The following GRIP1 variants were observed in gnomAD, a reference collection of about 807,000 sequenced individuals.
GRIP1 encodes the protein glutamate receptor interacting protein 1.
GRIP1 carries 45 observed loss-of-function variants against 129.9 expected under a neutral mutation model. The observed-to-expected ratio is 0.35, with a 90% CI of 0.27 to 0.44. GRIP1 has a LOEUF of 0.44. GRIP1 is among the 20% of genes least tolerant of loss of function. The pLI, the probability that GRIP1 is intolerant of heterozygous loss-of-function variation, is 1.00. For missense variants in GRIP1, 1,196 were observed against 1,396.8 expected (o/e 0.86, Z 2.29); for synonymous variants, 530 against 520.8 (o/e 1.02, Z -0.24).
At chr12:66,875,065 G>C (rs1167624436) in intron 1 of GRIP1, among the ~76,000 whole-genome samples, 1 of 151,980 alleles carries the variant, frequency 6.6e-6, no homozygotes, top group Non-Finnish European at 1.5e-5. Flanking sequence ...ACCTAGCACA[G>C]TGCCTCATAC....
intron 2 of GRIP1, among the ~76,000 whole-genome samples, chr12:66,588,988 T>TTAAA (rs71069012): frequency 0.24 from 34,817 of 145,548 alleles, 4,309 homozygotes; most frequent in Admixed American, 0.27. Flanking sequence ...AAAAAAAAAA[T>TTAAA]TAAATAAATA....
At chr12:66,859,284 CAAAAAAACAAAAA>C (rs2040066930) in intron 1 of GRIP1, among the ~76,000 whole-genome samples, 1 of 9,046 alleles carries the variant, frequency 1.1e-4, no homozygotes, top group Non-Finnish European at 5.3e-4. Context: ...AACAAAAAAA[CAAAAAAACAAAAA>C]AACAAAAAAA....
At chr12:66,378,961 T>A (rs545917371) in intron 20 of GRIP1, among the ~76,000 whole-genome samples, 11 of 151,608 alleles carry the variant, frequency 7.3e-5, no homozygotes, top group African/African-American at 7.2e-5. Context: ...AATAAAAAAA[T>A]AAATAAATAA....
intron 1 of GRIP1, among the ~76,000 whole-genome samples, chr12:66,598,277 C>T (rs1260164397): frequency 6.6e-6 from 1 of 152,082 alleles, no homozygotes; most frequent in East Asian, 1.9e-4. Flanking sequence ...TCTTTATACG[C>T]AATGACAAAA....
At chr12:66,462,823 A>AAAT in intron 9 of GRIP1, 101 bp downstream of exon 9, 1 of 656,184 alleles carries the variant, frequency 1.5e-6, no homozygotes. Flanking sequence ...AAAAAAAAAA[A>AAAT]GGCAGAATGA....
chr12:66,631,880 T>C (rs1007062838), intron 1 of GRIP1, among the ~76,000 whole-genome samples: 1 of 152,242 alleles, frequency 6.6e-6, no homozygotes, highest in African/African-American at 2.4e-5. Context: ...ATATTTTATA[T>C]GCATTATTTT....
At chr12:66,883,916 A>C (rs1418491597) in intron 1 of GRIP1, among the ~76,000 whole-genome samples, 1 of 152,252 alleles carries the variant, frequency 6.6e-6, no homozygotes, top group African/African-American at 2.4e-5. Context: ...CAAATGAGAT[A>C]ATGCATGCAA....
intron 1 of GRIP1, among the ~76,000 whole-genome samples, chr12:66,745,819 T>C (rs543262209): frequency 1.1e-4 from 17 of 152,208 alleles, no homozygotes; most frequent in Admixed American, 8.5e-4. Flanking sequence ...CCAGAAGCCA[T>C]GACAGGAGAG....
At chr12:66,501,573 A>T (rs1038615186) in intron 7 of GRIP1, among the ~76,000 whole-genome samples, 12 of 152,184 alleles carry the variant, frequency 7.9e-5, no homozygotes, top group African/African-American at 2.4e-4. Context: ...GATCAATAGA[A>T]GTGCTTGCCT....
intron 23 of GRIP1, among the ~76,000 whole-genome samples, chr12:66,368,961 G>A (rs115417503): frequency 0.016 from 2,499 of 152,230 alleles, 75 homozygotes; most frequent in African/African-American, 0.057. Context: ...CCCAAGATGC[G>A]AGCATAAATC....
At chr12:66,921,282 C>G (rs1173577336) in intron 1 of GRIP1, among the ~76,000 whole-genome samples, 2 of 152,214 alleles carry the variant, frequency 1.3e-5, no homozygotes, top group Non-Finnish European at 2.9e-5. Context: ...CATGTGTCAA[C>G]TGCCTAAAGC....
intron 1 of GRIP1, among the ~76,000 whole-genome samples, chr12:67,035,254 C>T (rs2043078154): frequency 6.6e-6 from 1 of 152,130 alleles, no homozygotes; most frequent in Admixed American, 6.6e-5. Flanking sequence ...GCTCGGGCTT[C>T]GCAGAAGCTC....
intron 1 of GRIP1, among the ~76,000 whole-genome samples, chr12:66,914,418 C>T (rs1331051835): frequency 6.6e-6 from 1 of 152,158 alleles, no homozygotes; most frequent in East Asian, 1.9e-4. Context: ...ATTTTACTTG[C>T]ATCATCTTTT....
At chr12:67,026,793 T>C (rs1246550677) in intron 1 of GRIP1, among the ~76,000 whole-genome samples, 1 of 152,198 alleles carries the variant, frequency 6.6e-6, no homozygotes, top group Non-Finnish European at 1.5e-5. Context: ...CCCCTTTCTT[T>C]TGAATAATAT....
At chr12:66,628,521 T>C (rs949380373) in intron 1 of GRIP1, among the ~76,000 whole-genome samples, 4 of 152,220 alleles carry the variant, frequency 2.6e-5, no homozygotes, top group Non-Finnish European at 4.4e-5. Context: ...TAACCCCTCA[T>C]CAGAGTTTAA....
At chr12:66,705,497 T>G (rs973949086) in intron 1 of GRIP1, among the ~76,000 whole-genome samples, 1 of 152,128 alleles carries the variant, frequency 6.6e-6, no homozygotes, top group African/African-American at 2.4e-5. Context: ...AATTCATAGA[T>G]TCAATGCTAT....
intron 1 of GRIP1, among the ~76,000 whole-genome samples, chr12:66,640,666 A>G (rs549548346): frequency 1.1e-4 from 16 of 152,310 alleles, no homozygotes; most frequent in African/African-American, 2.9e-4. Flanking sequence ...AAAATAGGCC[A>G]TTATAGCATT....
intron 1 of GRIP1, among the ~76,000 whole-genome samples, chr12:66,671,616 C>G (rs1037243177): frequency 1.3e-5 from 2 of 152,146 alleles, no homozygotes; most frequent in Admixed American, 1.3e-4. Context: ...GTTTGGACAT[C>G]AATACCCTGT....
chr12:66,900,884 T>C (rs563610186), intron 1 of GRIP1, among the ~76,000 whole-genome samples: 2 of 152,306 alleles, frequency 1.3e-5, no homozygotes, highest in Admixed American at 1.3e-4. Flanking sequence ...GGTAGGCAAC[T>C]AGCAGTTTCT....
Sources: gnomAD v4.1 joint callset for allele counts (sites outside exome capture counted in the v4.1 genomes callset) on GRCh38, gnomAD v4.1.1 for gene constraint, MANE v1.5 for transcripts, NCBI Gene and HGNC (gene_info 2026-07-23, HGNC 2026-07-21) for gene names.